NEBL: variants seen among roughly 807,000 people sequenced by gnomAD.
NEBL encodes the protein LIM and SH3 protein 2.
A neutral mutation model predicts 140.2 loss-of-function variants in NEBL; 122 were observed. That is an observed-to-expected ratio of 0.87 (90% CI 0.75 to 1.01). NEBL has a LOEUF of 1.01. NEBL is among the 50% of genes least tolerant of loss of function. NEBL has a pLI of 0.00. For missense variants in NEBL, 1,365 were observed against 1,231.3 expected, an observed-to-expected ratio of 1.11 and a Z score of -1.62; for synonymous variants, 436 against 398.9, an observed-to-expected ratio of 1.09 and a Z score of -1.11.
chr10:20,987,322 G>A lies in NEBL; in HGVS notation c.250-25543C>T, dbSNP rs193014713. 3.3e-5 allele frequency among the ~76,000 whole-genome samples: 5 copies of A among 151,864 alleles called. No homozygotes were observed. In the East Asian group the frequency reaches 9.7e-4, roughly 29 times the overall value. ...AGTTGAGTTGGATGACCCCATTCCT[G>A]CCCATTGCTGCTTCCAGGCCTTTGT... On this transcript the variant is annotated intron_variant, in intron 3 of 6. Transcript: ENST00000417816.
At chr10:21,117,098 T>C (rs1033173130) in intron 2 of NEBL, among the ~76,000 whole-genome samples, 17 of 152,144 alleles carry the variant, frequency 1.1e-4, no homozygotes, top group Non-Finnish European at 1.5e-5. Context: ...GGATACAACC[T>C]GTTCCTTCCA....
intron 26 of NEBL, among the ~76,000 whole-genome samples, chr10:20,791,127 A>G (rs1030426394): frequency 1.3e-5 from 2 of 152,204 alleles, no homozygotes; most frequent in African/African-American, 4.8e-5. Context: ...CAGAAGTGTG[A>G]CTCAACTTTC....
chr10:20,821,705 A>G (rs12242106), intron 19 of NEBL, among the ~76,000 whole-genome samples: 2,173 of 152,272 alleles, frequency 0.014, 41 homozygotes, highest in African/African-American at 0.049. Context: ...GCCACATAAT[A>G]TCTACCGGAA....
At chr10:21,017,582 A>C (rs1184311389) in intron 3 of NEBL, among the ~76,000 whole-genome samples, 1 of 152,162 alleles carries the variant, frequency 6.6e-6, no homozygotes, top group Non-Finnish European at 1.5e-5. Flanking sequence ...TTCATAAAAC[A>C]GTGACCTTGT....
chr10:20,855,489 A>G (rs995680696), intron 9 of NEBL, among the ~76,000 whole-genome samples: 2 of 148,102 alleles, frequency 1.4e-5, no homozygotes, highest in Non-Finnish European at 3.0e-5. Flanking sequence ...GTTACAAAGA[A>G]TTTCAGAAAC....
chr10:20,864,405 C>G (rs182741646), intron 7 of NEBL, among the ~76,000 whole-genome samples: 1 of 152,224 alleles, frequency 6.6e-6, no homozygotes, highest in Admixed American at 6.5e-5. Flanking sequence ...ACTACGGGAG[C>G]AAAGCTATTG....
chr10:21,074,882 C>A (rs907008660), intron 2 of NEBL, among the ~76,000 whole-genome samples: 1 of 152,090 alleles, frequency 6.6e-6, no homozygotes, highest in African/African-American at 2.4e-5. Flanking sequence ...CACCTCACTG[C>A]AGCTTTGAAC....
chr10:21,114,325 T>C lies in NEBL; in HGVS notation c.164+58058A>G, dbSNP rs575137837. 5.9e-5 allele frequency among the ~76,000 whole-genome samples: 9 copies of C among 152,190 alleles called. 1 individual carries two copies. In the South Asian group the frequency reaches 1.9e-3, roughly 31 times the overall value. Reference sequence around the variant, plus strand: ...TTAAATCTTTTTAAATTGATTAAGATTTGTTTTATGGCCCAAAATATGGTC... The same window carrying C: ...TTAAATCTTTTTAAATTGATTAAGACTTGTTTTATGGCCCAAAATATGGTC... On this transcript the variant is annotated intron_variant, in intron 2 of 6. Coordinates refer to the NEBL transcript ENST00000417816.
chr10:20,786,814 T>C (rs1835453793), intron 27 of NEBL, among the ~76,000 whole-genome samples: 1 of 152,208 alleles, frequency 6.6e-6, no homozygotes, highest in African/African-American at 2.4e-5. Context: ...TGAAGATATA[T>C]TTTGGCCACA....
At chr10:21,147,601 G>A (rs1839954996) in intron 2 of NEBL, among the ~76,000 whole-genome samples, 1 of 152,062 alleles carries the variant, frequency 6.6e-6, no homozygotes, top group Admixed American at 6.5e-5. Flanking sequence ...TACTCCATAA[G>A]TCCTTTCTTC....
At chr10:21,012,958 G>T (rs1045144609) in intron 3 of NEBL, among the ~76,000 whole-genome samples, 1 of 152,108 alleles carries the variant, frequency 6.6e-6, no homozygotes, top group Non-Finnish European at 1.5e-5. Flanking sequence ...AGAACACCAG[G>T]TCCCTGTGAT....
At chr10:20,840,879 C>T in intron 12 of NEBL, 30 bp from the exon 13 acceptor site, 1 of 1,286,704 alleles carries the variant, frequency 7.8e-7, no homozygotes, top group South Asian at 1.2e-5. Context: ...CAGTTCAAAA[C>T]TTAGCAGGAA....
chr10:20,878,562 C>A (rs1485170980), intron 5 of NEBL, among the ~76,000 whole-genome samples: 1 of 152,086 alleles, frequency 6.6e-6, no homozygotes, highest in Non-Finnish European at 1.5e-5. Context: ...ACTTTCAAGA[C>A]CTATGTTTAA....
intron 4 of NEBL, among the ~76,000 whole-genome samples, chr10:20,917,783 T>G (rs1361012365): frequency 6.6e-6 from 1 of 152,224 alleles, no homozygotes; most frequent in African/African-American, 2.4e-5. Context: ...TGTTCTATTT[T>G]ATATTTCACT....
intron 2 of NEBL, among the ~76,000 whole-genome samples, chr10:21,090,509 G>T (rs1836860755): frequency 6.6e-6 from 1 of 152,150 alleles, no homozygotes; most frequent in African/African-American, 2.4e-5. Context: ...TTATGTCAGG[G>T]ACTTGATGTT....
chr10:20,852,940 C>A (rs957330263), intron 9 of NEBL, among the ~76,000 whole-genome samples: 7 of 152,176 alleles, frequency 4.6e-5, no homozygotes, highest in African/African-American at 1.7e-4. Context: ...CAACGGAAAG[C>A]TAGCGCTAGG....
intron 1 of NEBL, among the ~76,000 whole-genome samples, chr10:21,261,042 C>T (rs988155846): frequency 6.6e-6 from 1 of 152,086 alleles, no homozygotes; most frequent in Non-Finnish European, 1.5e-5. Flanking sequence ...TGTGCTGATC[C>T]TCTTATTGAA....
chr10:20,980,316 G>GT (rs11377677), intron 3 of NEBL, among the ~76,000 whole-genome samples: 24,576 of 149,244 alleles, frequency 0.16, 3,481 homozygotes, highest in East Asian at 0.39. Context: ...ACATAAAAAA[G>GT]TTTTTTTTGT....
chr10:21,245,334 C>A (rs984790229), intron 3 of NEBL, among the ~76,000 whole-genome samples: 1 of 152,152 alleles, frequency 6.6e-6, no homozygotes, highest in African/African-American at 2.4e-5. Flanking sequence ...TCAGTTCAGA[C>A]AAGGTGCATG....
Sources: gnomAD v4.1 joint callset for allele counts (sites outside exome capture counted in the v4.1 genomes callset) on GRCh38, gnomAD v4.1.1 for gene constraint, MANE v1.5 for transcripts, NCBI Gene and HGNC (gene_info 2026-07-23, HGNC 2026-07-21) for gene names.